Variants in ZMAT1 observed in about 807,000 individuals in gnomAD.
ZMAT1 encodes zinc finger matrin-type 1.
ZMAT1 carries 11 observed loss-of-function variants against 18.5 expected under a neutral mutation model. That is an observed-to-expected ratio of 0.59 (90% CI 0.37 to 0.98). ZMAT1 has a LOEUF of 0.98. Ranked by LOEUF, ZMAT1 falls within the 50% of genes least tolerant of loss-of-function variation. The pLI is 0.01. For missense variants in ZMAT1, 525 were observed against 496.2 expected, an observed-to-expected ratio of 1.06 and a Z score of -0.55; for synonymous variants, 211 against 176.4, an observed-to-expected ratio of 1.20 and a Z score of -1.55.
At chrX:101,922,109 G>T (rs1000583142) in intron 1 of ZMAT1, among the ~76,000 whole-genome samples, 4 of 110,830 alleles carry the variant, frequency 3.6e-5, no homozygotes, top group African/African-American at 9.8e-5. Flanking sequence ...GGATCTTCTA[G>T]AATCTGCCAC....
At chrX:101,920,707 C>A (rs1218294246) in intron 1 of ZMAT1, among the ~76,000 whole-genome samples, 1 of 112,211 alleles carries the variant, frequency 8.9e-6, no homozygotes, top group Non-Finnish European at 1.9e-5. Flanking sequence ...TATATCTACT[C>A]ATATATTCAG....
rs892652708 is a variant in ZMAT1, at chrX:101,931,946, G to C, written c.63C>G (p.Thr21=). 126 of 778,849 alleles carry C rather than the reference G, an allele frequency of 1.6e-4. No homozygotes were observed. The highest frequency in any genetic ancestry group is 1.9e-4 in the Non-Finnish European group (124 of 657,522). The allele number at this position is 778,849 out of a possible 1,213,427, so 64.2% of individuals were successfully genotyped here. The change falls in exon 1 of 6, where the codon ACC becomes ACG. Residue 21 remains threonine, a synonymous_variant. Transcript: ENST00000651725. ...AGGAGGAGGAGGAGGCGGCAGAGAC[G>C]GTAGCTTCCTGAGGGGAAGACTCCG... The part of the protein sequence containing the change: ...LAAESSPQEA[T]VSAASSSSYT...
intron 1 of ZMAT1, among the ~76,000 whole-genome samples, chrX:101,921,347 C>A (rs1929712890): frequency 8.9e-6 from 1 of 111,974 alleles, no homozygotes; most frequent in African/African-American, 3.2e-5. Flanking sequence ...AAGTATAAAC[C>A]TTCTTCTAAA....
chrX:101,911,935 GTCCT>G (rs1420185099), intron 1 of ZMAT1: 1 of 1,203,453 alleles, frequency 8.3e-7, no homozygotes, highest in African/African-American at 1.8e-5. Context: ...ATTGCGGAAA[GTCCT>G]TTAGGCAGAG....
At chrX:101,894,843 A>G in intron 4 of ZMAT1, 2 of 752,732 alleles carry the variant, frequency 2.7e-6, no homozygotes, top group Non-Finnish European at 3.1e-6. Flanking sequence ...AGTGGAGGAA[A>G]AGAAGTGGGT....
intron 2 of ZMAT1, among the ~76,000 whole-genome samples, chrX:101,900,622 G>T (rs999452879): frequency 1.8e-5 from 2 of 111,205 alleles, no homozygotes; most frequent in Middle Eastern, 4.6e-3. Flanking sequence ...AAGTATTAGG[G>T]TTTATTTCTG....
intron 1 of ZMAT1, among the ~76,000 whole-genome samples, chrX:101,908,558 T>C (rs1033810574): frequency 1.8e-5 from 2 of 111,494 alleles, no homozygotes; most frequent in African/African-American, 6.5e-5. Flanking sequence ...CCCCCATCCC[T>C]GCAGCTGCAG....
intron 1 of ZMAT1, among the ~76,000 whole-genome samples, chrX:101,931,225 T>C (rs190472365): frequency 1.8e-5 from 2 of 111,908 alleles, no homozygotes; most frequent in African/African-American, 3.3e-5. Context: ...CTGCAGGACG[T>C]TGAACACCAA....
At chrX:101,897,800 T>C in intron 4 of ZMAT1, 68 bp downstream of exon 4, 2 of 1,004,775 alleles carry the variant, frequency 2.0e-6, no homozygotes, top group Non-Finnish European at 2.7e-6. Context: ...AAAAAGGATA[T>C]GGCAGAGTTA....
At chrX:101,914,434 A>G (rs1929172369) in intron 1 of ZMAT1, among the ~76,000 whole-genome samples, 1 of 111,688 alleles carries the variant, frequency 9.0e-6, no homozygotes, top group South Asian at 3.7e-4. Context: ...AAGTTCAACA[A>G]AATTGACAAA....
chrX:101,919,399 T>A (rs977362098), intron 1 of ZMAT1, among the ~76,000 whole-genome samples: 2 of 112,110 alleles, frequency 1.8e-5, no homozygotes, highest in Admixed American at 1.9e-4. Flanking sequence ...AAATTAGGAT[T>A]CAGTGAAATC....
intron 4 of ZMAT1, chrX:101,887,182 T>G (rs1008895612): frequency 1.4e-6 from 1 of 726,340 alleles, no homozygotes; most frequent in African/African-American, 2.3e-5. Context: ...TAAAGGCAAA[T>G]TTTTTACTCT....
intron 1 of ZMAT1, among the ~76,000 whole-genome samples, chrX:101,917,963 T>C (rs1165054439): frequency 1.8e-5 from 2 of 111,943 alleles, no homozygotes; most frequent in African/African-American, 6.5e-5. Context: ...TTCTCACTTA[T>C]TTGTGGGATC....
intron 1 of ZMAT1, among the ~76,000 whole-genome samples, chrX:101,921,933 C>A (rs1929759285): frequency 9.0e-6 from 1 of 111,414 alleles, no homozygotes; most frequent in African/African-American, 3.3e-5. Context: ...CGATTAAATA[C>A]GTGGTTCTTT....
At chrX:101,894,914 G>GA (rs1215978675) in intron 4 of ZMAT1, 3 of 743,877 alleles carry the variant, frequency 4.0e-6, no homozygotes, top group African/African-American at 4.7e-5. Flanking sequence ...CCTGTGGGGG[G>GA]AAAAATGAAA....
chrX:101,903,162 T>C (rs1928369394), intron 2 of ZMAT1, among the ~76,000 whole-genome samples: 1 of 112,010 alleles, frequency 8.9e-6, no homozygotes, highest in Non-Finnish European at 1.9e-5. Context: ...TCTCTGTTAC[T>C]AATTCTAAAT....
intron 1 of ZMAT1, among the ~76,000 whole-genome samples, chrX:101,916,240 G>T (rs755336240): frequency 9.1e-6 from 1 of 109,773 alleles, no homozygotes; most frequent in East Asian, 2.9e-4. Context: ...GGGCCAGTTG[G>T]GGGGTGGGGG....
chrX:101,904,441 T>C (rs1928461043), intron 1 of ZMAT1, 111 bp from the exon 2 acceptor site: 13 of 557,535 alleles, frequency 2.3e-5, no homozygotes, highest in Non-Finnish European at 3.1e-5. Flanking sequence ...ATTTGAGTGC[T>C]TGTGAGGCTA....
intron 1 of ZMAT1, chrX:101,912,208 C>A: frequency 2.3e-6 from 1 of 432,132 alleles, no homozygotes; most frequent in Non-Finnish European, 3.8e-6. Context: ...CCCTCAGACA[C>A]CCTCAGAGAG....
Sources: gnomAD v4.1 joint callset for allele counts (sites outside exome capture counted in the v4.1 genomes callset) on GRCh38, gnomAD v4.1.1 for gene constraint, MANE v1.5 for transcripts, NCBI Gene and HGNC (gene_info 2026-07-23, HGNC 2026-07-21) for gene names.